The following METTL25B variants were observed in gnomAD, a reference collection of about 807,000 sequenced individuals.
The protein encoded by METTL25B is methyltransferase like 25B.
Under a neutral mutation model 48.4 loss-of-function variants are expected in METTL25B, and 38 were observed. That is an observed-to-expected ratio of 0.78 (90% CI 0.61 to 1.03). METTL25B has a LOEUF of 1.03. Ranked by LOEUF, METTL25B falls within the 50% of genes least tolerant of loss-of-function variation. METTL25B has a pLI of 0.00. For synonymous variants in METTL25B, 230 were observed against 254.5 expected, an observed-to-expected ratio of 0.90 and a Z score of 0.92; for missense variants, 537 against 603.7, an observed-to-expected ratio of 0.89 and a Z score of 1.16.
rs1648951912 is a variant in METTL25B at position 156,728,748 on chromosome 1, C to G, written c.-357C>G. ...CGCCGGACACCTCCGGCTTCACTTC[C>G]GTAAGAGGAGAGGAGTGTACGGCAA... On this transcript the variant is annotated 5_prime_UTR_variant, in exon 1 of 8. Coordinates refer to ENST00000368216, the MANE Select transcript of METTL25B (RefSeq NM_015997.4). 9.8e-7 allele frequency: 1 copy of G among 1,015,656 alleles called. No homozygotes were observed. Among genetic ancestry groups the G allele is most frequent in the Admixed American group, 5.9e-5 (1 of 16,896 alleles). The allele number at this position is 1,015,656 out of a possible 1,614,324, so 62.9% of individuals were successfully genotyped here. A position where few individuals can be genotyped will look rare whatever the true frequency, so the allele number is the denominator to read the frequency against.
intron 7 of METTL25B, 160 bp from the exon 8 acceptor site, chr1:156,736,472 C>A: frequency 1.3e-6 from 1 of 744,294 alleles, no homozygotes; most frequent in South Asian, 2.0e-5. Context: ...CCTCCCAAGT[C>A]AGTGCCTTGG....
At chr1:156,732,251 T>G in intron 2 of METTL25B, 30 bp from the exon 3 acceptor site, 2 of 1,612,570 alleles carry the variant, frequency 1.2e-6, no homozygotes, top group Non-Finnish European at 1.7e-6. Flanking sequence ...ATGGGACTAT[T>G]CACTGGAGGC....
chr1:156,728,487 C>G lies in METTL25B; in HGVS notation c.-618C>G, dbSNP rs542253646. The G allele has an allele frequency of 1.3e-5, 13 of 985,528 alleles. No individual in the cohort carries two copies. Among genetic ancestry groups the G allele is most frequent in the Non-Finnish European group, 1.4e-5 (12 of 829,952 alleles). The allele number at this position is 985,528 out of a possible 1,614,324, so 61.0% of individuals were successfully genotyped here. On this transcript the variant is annotated 5_prime_UTR_variant, in exon 1 of 8. Transcript: ENST00000368216. ...GGAAATCGGTGCGCGCCGACGAAGC[C>G]CGGGAAGGCAGGCGCGCGGGTTAGA... is the stretch of plus-strand genomic sequence containing the variant.
Position 156,728,833 on chromosome 1 carries a change from G to T in METTL25B, c.-272G>T. The T allele has an allele frequency of 1.2e-6, 1 of 816,396 alleles. No homozygotes were observed. Among genetic ancestry groups the T allele is most frequent in the African/African-American group, 1.8e-5 (1 of 55,226 alleles). The allele number at this position is 816,396 out of a possible 1,614,324, so 50.6% of individuals were successfully genotyped here. A position where few individuals can be genotyped will look rare whatever the true frequency, so the allele number is the denominator to read the frequency against. On this transcript the variant is annotated 5_prime_UTR_variant, in exon 1 of 8. Coordinates refer to ENST00000368216, the MANE Select transcript of METTL25B (RefSeq NM_015997.4). ...GAGCTGAGCTCAGCGGCACGCTTTT[G>T]TGGCGTCACTGCACTGTTACCCCGC... is the stretch of plus-strand genomic sequence containing the variant.
intron 1 of METTL25B, 37 bp downstream of exon 1, chr1:156,729,252 C>A (rs1649016223): frequency 1.5e-6 from 2 of 1,339,656 alleles, no homozygotes; most frequent in South Asian, 1.2e-5. Flanking sequence ...TGTCTCTGGT[C>A]GTGTGGTTGG....
rs1649527183 is a variant in METTL25B at position 156,734,180 on chromosome 1, C to T, written c.808C>T (p.His270Tyr). The T allele has an allele frequency of 4.3e-6, 7 of 1,614,218 alleles. No homozygotes were observed. Among genetic ancestry groups the T allele is most frequent in the Non-Finnish European group, 5.9e-6 (7 of 1,180,044 alleles). ...GGATCTGAGTGTTGCCTTGCTGAGA[C>T]ACTTCTCCTGCTGTCCTGAGGTGGT... ...CGDLSVALLR[H>Y]FSCCPEVVAL... The change falls in exon 6 of 8, where the codon CAC becomes TAC. Residue 270 changes from histidine (H) to tyrosine (Y), a missense_variant. Transcript: ENST00000368216.
chr1:156,734,908 G>A (rs542914243), intron 6 of METTL25B, among the ~76,000 whole-genome samples: 11 of 152,180 alleles, frequency 7.2e-5, no homozygotes, highest in Non-Finnish European at 1.2e-4. Context: ...ATACCCAGAG[G>A]AATGATTTGG....
chr1:156,735,321 G>A (rs962800570), intron 6 of METTL25B, among the ~76,000 whole-genome samples: 72 of 149,928 alleles, frequency 4.8e-4, no homozygotes, highest in African/African-American at 1.7e-3. Flanking sequence ...AATGCTAAAA[G>A]TATGGCTAAA....
Position 156,729,139 on chromosome 1 carries a change from A to AG in METTL25B, c.39dup (p.Arg14GlufsTer7). ...ATCTCCGCCCGAGGCCTCTCTCATG[A>AG]GGGGAGGAAGCAGCTAGCTGTTAAC... On this transcript the variant is annotated frameshift_variant, in exon 1 of 8. Transcript: ENST00000368216. LOFTEE classifies it high-confidence loss of function. 1 of 1,609,862 alleles carries AG rather than the reference A, an allele frequency of 6.2e-7. No individual in the cohort carries two copies. The highest frequency in any genetic ancestry group is 8.5e-7 in the Non-Finnish European group (1 of 1,178,858).
chr1:156,733,494 G>A lies in METTL25B; in HGVS notation c.610G>A (p.Glu204Lys). 6.2e-7 allele frequency: 1 copy of A among 1,614,070 alleles called. No individual in the cohort carries two copies. Among genetic ancestry groups the A allele is most frequent in the South Asian group, 1.1e-5 (1 of 91,086 alleles). The part of the protein sequence containing the change: ...RLDQELLQAL[E>K]KEEKRNPQVV... ...GGACCAGGAGCTTCTGCAGGCTCTG[G>A]AGAAAGAGGAGAAGAGGAACCCGCA... The change falls in exon 5 of 8, where the codon GAG (glutamate) becomes AAG (lysine). Residue 204 changes from glutamate to lysine, a missense_variant. Coordinates refer to ENST00000368216, the MANE Select transcript of METTL25B (RefSeq NM_015997.4).
rs758404655 is a variant in METTL25B at position 156,729,206 on chromosome 1, C to T, written c.102C>T (p.Ala34=). ...VLALYRSILD[A]YIIEFFTDNL... The stretch of plus-strand genomic sequence containing the variant: ...CACTCTACCGTTCCATCTTGGATGC[C>T]TACATCATCGTGAGGCCACAGGGGC... The change falls in exon 1 of 8, where the codon GCC becomes GCT. Residue 34 remains alanine, a synonymous_variant. Transcript: ENST00000368216. 5.0e-6 allele frequency: 8 copies of T among 1,605,516 alleles called. No homozygotes were observed. In the Admixed American group the frequency reaches 1.2e-4, roughly 24 times the overall value.
intron 6 of METTL25B, among the ~76,000 whole-genome samples, chr1:156,735,087 G>A (rs1210331144): frequency 1.3e-5 from 2 of 151,542 alleles, no homozygotes; most frequent in African/African-American, 4.8e-5. Flanking sequence ...TCAGGAGTTC[G>A]AGACTAGCCT....
At chr1:156,735,159 T>C (rs1177366754) in intron 6 of METTL25B, among the ~76,000 whole-genome samples, 1 of 151,418 alleles carries the variant, frequency 6.6e-6, no homozygotes, top group Admixed American at 6.6e-5. Context: ...CGTGGAGGCA[T>C]GCGCCTGTAA....
In METTL25B at chr1:156,736,646, C is replaced by T. The variant is rs372196050; in HGVS notation, c.1321C>T (p.Leu441Phe). 1.3e-5 allele frequency: 21 copies of T among 1,613,926 alleles called. No homozygotes were observed. The highest frequency in any genetic ancestry group is 1.8e-5 in the Non-Finnish European group (21 of 1,180,016). ...YLQEQGFHAE[L>F]LPIFSPELSP... ...CTTTCTCCCAGGTTTCCATGCTGAG[C>T]TCCTGCCCATCTTCAGTCCTGAACT... The change falls in exon 8 of 8, where the codon CTC (leucine) becomes TTC (phenylalanine). Residue 441 changes from leucine to phenylalanine, a missense_variant. By Grantham distance (22) the Leu-to-Phe change is conservative. Coordinates refer to ENST00000368216, the MANE Select transcript of METTL25B (RefSeq NM_015997.4).
intron 5 of METTL25B, 36 bp from the exon 6 acceptor site, chr1:156,733,973 C>T (rs777905512): frequency 1.3e-6 from 2 of 1,557,314 alleles, no homozygotes; most frequent in South Asian, 1.2e-5. Context: ...AGCAAACAGA[C>T]TTCCCATCTG....
chr1:156,728,756 G>A lies in METTL25B; in HGVS notation c.-349G>A. ...ACCTCCGGCTTCACTTCCGTAAGAG[G>A]AGAGGAGTGTACGGCAAGGGGCGGG... On this transcript the variant is annotated 5_prime_UTR_variant, in exon 1 of 8. Transcript: ENST00000368216. 1.9e-6 allele frequency: 2 copies of A among 1,032,300 alleles called. No homozygotes were observed. The highest frequency in any genetic ancestry group is 2.3e-6 in the Non-Finnish European group (2 of 858,738). 63.9% of individuals were successfully genotyped at this position (1,032,300 alleles called of 1,614,324 possible). A position where few individuals can be genotyped will look rare whatever the true frequency, so the allele number is the denominator to read the frequency against.
chr1:156,736,398 CCTCT>C (rs1420554772), intron 7 of METTL25B: 8 of 446,884 alleles, frequency 1.8e-5, no homozygotes, highest in African/African-American at 6.0e-5. Flanking sequence ...CTCTGGTGAA[CCTCT>C]CTAAGGTGCA....
chr1:156,729,433 C>CTT (rs1171280881), intron 1 of METTL25B: 67 of 254,578 alleles, frequency 2.6e-4, no homozygotes, highest in Non-Finnish European at 3.3e-4. Context: ...TTTTTTTTTT[C>CTT]TTTTTTTTTT....
rs1350722408 is a variant in METTL25B at position 156,735,859 on chromosome 1, T to G, written c.1256T>G (p.Leu419Arg). Residue 419 changes from leucine to arginine, a missense_variant, in exon 7 of 8, where the codon CTG becomes CGG. Coordinates refer to ENST00000368216, the MANE Select transcript of METTL25B (RefSeq NM_015997.4). ...AGCCTGGCTCTACTGCTTGCCCCAC[T>G]GGTGGAGACGCTTATTCTACTGGAC... ...FFSLALLLAPLVETLILLDRL... is the reference protein window; with the variant it reads ...FFSLALLLAPRVETLILLDRL... The G allele has an allele frequency of 1.9e-6, 3 of 1,612,944 alleles. No homozygotes were observed. The highest frequency in any genetic ancestry group is 1.7e-6 in the Non-Finnish European group (2 of 1,179,694).
Sources: allele counts gnomAD v4.1 joint callset (sites outside exome capture counted in the v4.1 genomes callset), GRCh38; gene constraint gnomAD v4.1.1; transcripts MANE v1.5; gene names NCBI Gene and HGNC (gene_info 2026-07-23, HGNC 2026-07-21).